The following BTBD16 variants were observed in gnomAD, a reference collection of about 807,000 sequenced individuals.
BTBD16 encodes the protein BTB domain containing 16.
Under a neutral mutation model 67.4 loss-of-function variants are expected in BTBD16, and 66 were observed. That is an observed-to-expected ratio of 0.98 (90% CI 0.80 to 1.20). The LOEUF (loss-of-function observed/expected upper bound fraction) is 1.20. Among genes scored for constraint, BTBD16 ranks in the 50% most tolerant of loss-of-function variants. The probability of loss-of-function intolerance (pLI) is 0.00; values close to 1 mark genes in which losing one functional copy is unlikely to be tolerated. For synonymous variants in BTBD16, 242 were observed against 236.4 expected (o/e 1.02, Z -0.22); for missense variants, 634 against 616.0 (o/e 1.03, Z -0.31).
chr10:122,327,603 A>C, intron 10 of BTBD16: 1 of 985,206 alleles, frequency 1.0e-6, no homozygotes, highest in Non-Finnish European at 1.2e-6. Flanking sequence ...TGATGAGATG[A>C]CTCATGGCCT....
chr10:122,284,140 T>C (rs767932324), intron 4 of BTBD16, among the ~76,000 whole-genome samples: 1 of 152,192 alleles, frequency 6.6e-6, no homozygotes, highest in Non-Finnish European at 1.5e-5. Flanking sequence ...CATTTTCATA[T>C]GCTCCTCGCC....
Position 122,297,827 on chromosome 10 carries a change from C to T in BTBD16, c.650C>T (p.Ala217Val), listed in dbSNP as rs2096386230. 6.2e-7 allele frequency: 1 copy of T among 1,614,126 alleles called. No individual in the cohort carries two copies. The highest frequency in any genetic ancestry group is 8.5e-7 in the Non-Finnish European group (1 of 1,180,002). Residue 217 changes from alanine (A) to valine (V), a missense_variant, in exon 8 of 16, where the codon GCC (alanine) becomes GTC (valine). Physicochemically the swap from Ala to Val is moderately conservative, Grantham distance 64. Transcript: ENST00000260723. The part of the protein sequence containing the change: ...KPSTIKKFYE[A>V]GCKYKEEQLT... The stretch of plus-strand genomic sequence containing the variant: ...AGCACCATCAAGAAATTCTACGAGG[C>T]CGGCTGCAAGGTGAGAACAACCCAG...
intron 10 of BTBD16, among the ~76,000 whole-genome samples, chr10:122,310,606 G>A (rs1424552254): frequency 6.6e-6 from 1 of 152,190 alleles, no homozygotes; most frequent in Admixed American, 6.5e-5. Context: ...TGTGCCAGGA[G>A]CATTTCAAAG....
intron 3 of BTBD16, among the ~76,000 whole-genome samples, chr10:122,281,603 G>C (rs7092500): frequency 0.65 from 98,073 of 151,992 alleles, 33,123 homozygotes; most frequent in East Asian, 0.89. Flanking sequence ...CCATTTTTAT[G>C]TTGATACCTT....
chr10:122,335,989 T>C (rs1256191415), intron 14 of BTBD16, among the ~76,000 whole-genome samples: 1 of 152,146 alleles, frequency 6.6e-6, no homozygotes, highest in Non-Finnish European at 1.5e-5. Context: ...ACTGAATAAA[T>C]GAATGGATAA....
chr10:122,312,853 G>A (rs1482253451), intron 10 of BTBD16, among the ~76,000 whole-genome samples: 2 of 152,042 alleles, frequency 1.3e-5, no homozygotes, highest in Admixed American at 1.3e-4. Flanking sequence ...TTCCCTCTGT[G>A]GCTGGCTTTC....
chr10:122,334,468 T>C (rs57333669), intron 13 of BTBD16, among the ~76,000 whole-genome samples: 9 of 147,044 alleles, frequency 6.1e-5, no homozygotes, highest in African/African-American at 2.3e-4. Context: ...GTGCTGGGAT[T>C]ACAGGTGTGA....
intron 3 of BTBD16, among the ~76,000 whole-genome samples, chr10:122,277,296 T>C (rs1473979679): frequency 6.6e-6 from 1 of 152,136 alleles, no homozygotes; most frequent in East Asian, 1.9e-4. Flanking sequence ...TTTAGACAGC[T>C]TGTAAATGTC....
chr10:122,334,903 C>T lies in BTBD16; in HGVS notation c.1187C>T (p.Thr396Met), dbSNP rs577596137. The T allele has an allele frequency of 2.7e-5, 43 of 1,568,108 alleles. No homozygotes were observed. Among genetic ancestry groups the T allele is most frequent in the Admixed American group, 6.9e-5 (4 of 57,592 alleles). ...TAGGAGAATACAACTTATTCGAAAACGATTGCTCTATATGGATTCTTCTTT... is the reference window on the plus strand; with the variant it reads ...TAGGAGAATACAACTTATTCGAAAATGATTGCTCTATATGGATTCTTCTTT... Reference protein sequence around the residue: ...FNQENTTYSKTIALYGFFFKI... With the variant: ...FNQENTTYSKMIALYGFFFKI... Residue 396 changes from threonine (T) to methionine (M), a missense_variant, in exon 14 of 16, where the codon ACG becomes ATG. Thr to Met is a moderately conservative substitution (Grantham distance 81, BLOSUM62 -1). Transcript: ENST00000260723.
In BTBD16 at chr10:122,311,607, A is replaced by G. The variant is rs186173512; in HGVS notation, c.911+4299A>G. Among the ~76,000 whole-genome samples the G allele has an allele frequency of 8.5e-5, 13 of 152,370 alleles. No individual in the cohort carries two copies. In the East Asian group the frequency reaches 2.5e-3, roughly 29 times the overall value. ...GCTGTAAAAACTTGTAATCGGAGAA[A>G]GGGCAGAAGCAGGCAAATTTTCAAC... is the stretch of plus-strand genomic sequence containing the variant. On this transcript the variant is annotated intron_variant, in intron 10 of 15. Coordinates refer to ENST00000260723, the MANE Select transcript of BTBD16 (RefSeq NM_144587.5).
chr10:122,334,975 T>C lies in BTBD16; in HGVS notation c.1259T>C (p.Met420Thr), dbSNP rs1375517312. 1 of 1,469,284 alleles carries C rather than the reference T, an allele frequency of 6.8e-7. No homozygotes were observed. The highest frequency in any genetic ancestry group is 2.3e-5 in the East Asian group (1 of 43,724). 91.0% of individuals were successfully genotyped at this position (1,469,284 alleles called of 1,614,324 possible). A position where few individuals can be genotyped will look rare whatever the true frequency, so the allele number is the denominator to read the frequency against. Residue 420 changes from methionine (M) to threonine (T), a missense_variant, in exon 14 of 16, where the codon ATG (methionine) becomes ACG (threonine). Physicochemically the swap from Met to Thr is moderately conservative, Grantham distance 81. Coordinates refer to ENST00000260723, the MANE Select transcript of BTBD16 (RefSeq NM_144587.5). Reference protein sequence around the residue: ...KHDTTSYSFYMQRIKHTDLES... With the variant: ...KHDTTSYSFYTQRIKHTDLES... ...GATACTACCTCTTATAGTTTTTACA[T>C]GCAGGTAAGGATAGAGTGCATGAAA... is the stretch of plus-strand genomic sequence containing the variant.
rs143343705 is a variant in BTBD16 at position 122,332,470 on chromosome 10, A to G, written c.1121A>G (p.Asp374Gly). ...ENGGDMVHLK[D>G]LNTQAVRFGL... Reference sequence around the variant, plus strand: ...GGGGGCGACATGGTCCACCTGAAAGATCTTAACACCCAGGCTGTGAGATTT... The same window carrying G: ...GGGGGCGACATGGTCCACCTGAAAGGTCTTAACACCCAGGCTGTGAGATTT... The change falls in exon 13 of 16, where the codon GAT becomes GGT. Residue 374 changes from aspartate to glycine, a missense_variant. Physicochemically the swap from Asp to Gly is moderately conservative, Grantham distance 94 (BLOSUM62 -1). Transcript: ENST00000260723. The G allele has an allele frequency of 2.7e-5, 43 of 1,613,966 alleles. 1 individual carries two copies. In the Middle Eastern group the frequency reaches 9.9e-4, roughly 37 times the overall value.
intron 10 of BTBD16, among the ~76,000 whole-genome samples, chr10:122,319,557 A>G (rs2096432135): frequency 6.6e-6 from 1 of 152,126 alleles, no homozygotes; most frequent in Admixed American, 6.5e-5. Flanking sequence ...TTGGGACTCA[A>G]TATTCTGTTC....
chr10:122,293,569 C>T (rs2096377827), intron 7 of BTBD16, among the ~76,000 whole-genome samples: 1 of 152,176 alleles, frequency 6.6e-6, no homozygotes, highest in Non-Finnish European at 1.5e-5. Context: ...CAGGCAGAGC[C>T]AACTGGTGTA....
intron 10 of BTBD16, among the ~76,000 whole-genome samples, chr10:122,317,964 A>G (rs1369263440): frequency 6.6e-6 from 1 of 152,200 alleles, no homozygotes; most frequent in African/African-American, 2.4e-5. Flanking sequence ...ACAGTCATTT[A>G]TTATTCATTA....
At position 122,326,414 on chromosome 10, in the gene BTBD16, ATAGAG is replaced by A. The variant is rs2096444827; in HGVS notation, c.912-3061_912-3057del. On this transcript the variant is annotated intron_variant, in intron 10 of 15. Coordinates refer to ENST00000260723, the MANE Select transcript of BTBD16 (RefSeq NM_144587.5). Reference sequence around the variant, plus strand: ...CGAATTTGATGACTCTAGGTACCTCATAGAGTAGAATCATCCAGCATTCACCCTTG... The same window carrying A: ...CGAATTTGATGACTCTAGGTACCTCATAGAATCATCCAGCATTCACCCTTG... Among the ~76,000 whole-genome samples, 2 of 152,118 alleles carry A rather than the reference ATAGAG, an allele frequency of 1.3e-5. 1 individual carries two copies. Among genetic ancestry groups the A allele is most frequent in the South Asian group, 4.2e-4 (2 of 4,818 alleles).
At chr10:122,280,019 G>A (rs530846553) in intron 3 of BTBD16, among the ~76,000 whole-genome samples, 4 of 152,168 alleles carry the variant, frequency 2.6e-5, no homozygotes, top group Non-Finnish European at 4.4e-5. Context: ...TTCCTGGTCA[G>A]CCACTCAGAG....
intron 7 of BTBD16, among the ~76,000 whole-genome samples, chr10:122,293,676 A>G (rs1170316535): frequency 6.6e-6 from 1 of 152,204 alleles, no homozygotes; most frequent in Non-Finnish European, 1.5e-5. Flanking sequence ...CTTCCGTTGT[A>G]TATATCACCC....
chr10:122,286,223 G>A lies in BTBD16; in HGVS notation c.360G>A (p.Leu120=). 1 of 1,610,788 alleles carries A rather than the reference G, an allele frequency of 6.2e-7. No homozygotes were observed. The highest frequency in any genetic ancestry group is 1.7e-5 in the Admixed American group (1 of 59,784). The part of the protein sequence containing the change: ...KALAQGTTHP[L]RELEELLRAQ... ...TGGCGCAGGGCACCACACACCCCCT[G>A]AGGGAGCTGGAGGAGCTTCTGCGAG... is the stretch of plus-strand genomic sequence containing the variant. Residue 120 remains leucine, a synonymous_variant, in exon 5 of 16, where the codon CTG becomes CTA. Coordinates refer to ENST00000260723, the MANE Select transcript of BTBD16 (RefSeq NM_144587.5).
Sources: allele counts gnomAD v4.1 joint callset (sites outside exome capture counted in the v4.1 genomes callset), GRCh38; gene constraint gnomAD v4.1.1; transcripts MANE v1.5; gene names NCBI Gene and HGNC (gene_info 2026-07-23, HGNC 2026-07-21).